Variants in PYM1 observed in about 807,000 individuals in gnomAD.
The protein encoded by PYM1 is PYM1 exon junction complex associated factor.
Under a neutral mutation model 20.7 loss-of-function variants are expected in PYM1, and 7 were observed. That is an observed-to-expected ratio of 0.34 (90% CI 0.19 to 0.64). The LOEUF is 0.64. PYM1 is among the 30% of genes least tolerant of loss of function. The pLI, the probability that PYM1 is intolerant of heterozygous loss-of-function variation, is 0.74. For missense variants in PYM1, 194 were observed against 250.0 expected (o/e 0.78, Z 1.51); for synonymous variants, 100 against 99.2 (o/e 1.01, Z -0.05).
intron 1 of PYM1, 80 bp from the exon 2 acceptor site, chr12:55,903,560 C>T (rs1415239536): frequency 1.5e-6 from 2 of 1,351,582 alleles, no homozygotes; most frequent in Non-Finnish European, 2.1e-6. Context: ...TATAAATGTA[C>T]ATACCATCTC....
chr12:55,912,814 A>G (rs1882947729), intron 1 of PYM1, among the ~76,000 whole-genome samples: 1 of 149,804 alleles, frequency 6.7e-6, no homozygotes, highest in African/African-American at 2.5e-5. Flanking sequence ...AAATACAAAA[A>G]TTAGCAGGTC....
At chr12:55,907,673 G>A (rs1210518278) in intron 1 of PYM1, among the ~76,000 whole-genome samples, 1 of 144,350 alleles carries the variant, frequency 6.9e-6, no homozygotes, top group Non-Finnish European at 1.5e-5. Context: ...GCGCAGTGGT[G>A]CACACCTGTA....
intron 1 of PYM1, among the ~76,000 whole-genome samples, chr12:55,912,326 T>C (rs1882937966): frequency 6.6e-6 from 1 of 152,078 alleles, no homozygotes; most frequent in African/African-American, 2.4e-5. Context: ...CACTCCAGCC[T>C]GGGTGATAGA....
At chr12:55,914,906 C>T (rs1050250408) in intron 1 of PYM1, among the ~76,000 whole-genome samples, 1 of 152,054 alleles carries the variant, frequency 6.6e-6, no homozygotes, top group Non-Finnish European at 1.5e-5. Flanking sequence ...TGGAGACCAA[C>T]AGTTTTAAAT....
At chr12:55,920,717 T>C (rs1883084404) in intron 1 of PYM1, among the ~76,000 whole-genome samples, 2 of 151,360 alleles carry the variant, frequency 1.3e-5, no homozygotes, top group Admixed American at 6.6e-5. Flanking sequence ...CATTCTAGTG[T>C]TCTTATAATA....
intron 1 of PYM1, among the ~76,000 whole-genome samples, chr12:55,912,901 T>C (rs1313269647): frequency 1.4e-5 from 2 of 146,508 alleles, no homozygotes; most frequent in African/African-American, 5.1e-5. Context: ...GAGGCGGAGG[T>C]TGCAGTGAGC....
chr12:55,915,559 TAA>T (rs568756685), intron 1 of PYM1, among the ~76,000 whole-genome samples: 18 of 121,034 alleles, frequency 1.5e-4, no homozygotes, highest in Non-Finnish European at 1.5e-4. Context: ...AGTTTATCTT[TAA>T]AAAAAAAAAA....
chr12:55,904,415 A>G (rs1201476354), intron 1 of PYM1, among the ~76,000 whole-genome samples: 2 of 151,066 alleles, frequency 1.3e-5, no homozygotes, highest in East Asian at 4.0e-4. Context: ...AACATAGTGA[A>G]ACCCCGTCTC....
chr12:55,902,764 T>G (rs1385285208), intron 2 of PYM1, among the ~76,000 whole-genome samples: 1 of 150,028 alleles, frequency 6.7e-6, no homozygotes, highest in African/African-American at 2.5e-5. Context: ...AGAGAGCCAC[T>G]GCGCCTGCCT....
At chr12:55,920,583 A>G (rs1024130431) in intron 1 of PYM1, among the ~76,000 whole-genome samples, 2 of 151,714 alleles carry the variant, frequency 1.3e-5, no homozygotes, top group Non-Finnish European at 2.9e-5. Context: ...GATTGTAGTG[A>G]GCAGAGATCG....
intron 1 of PYM1, among the ~76,000 whole-genome samples, chr12:55,910,255 AT>A (rs1302661670): frequency 0.014 from 6 of 416 alleles, no homozygotes; most frequent in African/African-American, 0.12. Flanking sequence ...TTTTATACAT[AT>A]ATATATATAT....
At chr12:55,923,600 T>C (rs1401410189) in intron 1 of PYM1, among the ~76,000 whole-genome samples, 2 of 151,120 alleles carry the variant, frequency 1.3e-5, no homozygotes. Flanking sequence ...AAATGATGTA[T>C]GGATTCTAGT....
intron 1 of PYM1, among the ~76,000 whole-genome samples, chr12:55,921,014 C>G (rs1365894931): frequency 6.6e-6 from 1 of 152,102 alleles, no homozygotes; most frequent in Non-Finnish European, 1.5e-5. Context: ...ACTAAATTTG[C>G]ACTTAAGAAG....
rs1246105831 is a variant in PYM1 at position 55,926,020 on chromosome 12, G to A, written c.37+1705C>T. 2.0e-5 allele frequency among the ~76,000 whole-genome samples: 3 copies of A among 152,172 alleles called. No individual in the cohort carries two copies. The East Asian group carries it at 5.8e-4, about 29-fold the overall frequency. On this transcript the variant is annotated intron_variant, in intron 1 of 2. Coordinates refer to ENST00000408946, the MANE Select transcript of PYM1 (RefSeq NM_032345.3). ...TAAAATAGGTGGGCTGAGGTGTAAG[G>A]AACATGGAAAGCAGCAGAGCAAGAA...
At chr12:55,909,059 T>G (rs1882875289) in intron 1 of PYM1, among the ~76,000 whole-genome samples, 1 of 151,990 alleles carries the variant, frequency 6.6e-6, no homozygotes, top group Non-Finnish European at 1.5e-5. Flanking sequence ...ATAGGAAGCC[T>G]GGTTGGAAAT....
chr12:55,918,352 G>A (rs1328335378), intron 1 of PYM1, among the ~76,000 whole-genome samples: 2 of 152,032 alleles, frequency 1.3e-5, no homozygotes, highest in South Asian at 2.1e-4. Flanking sequence ...CGCCCGCTTC[G>A]GCCTCCCAAA....
At chr12:55,911,893 T>A (rs1249907051) in intron 1 of PYM1, among the ~76,000 whole-genome samples, 1 of 151,696 alleles carries the variant, frequency 6.6e-6, no homozygotes, top group Non-Finnish European at 1.5e-5. Context: ...AAATAACCCA[T>A]CTGATGAGAA....
chr12:55,915,213 T>TAAA (rs1174981358), intron 1 of PYM1, among the ~76,000 whole-genome samples: 35,212 of 48,694 alleles, frequency 0.72, 13,072 homozygotes, highest in Middle Eastern at 0.81. Context: ...AGACTCTGCC[T>TAAA]AAAAAAAAAA....
rs1883226631 is a variant in PYM1 at position 55,927,891 on chromosome 12, G to A, written c.-130C>T. On this transcript the variant is annotated 5_prime_UTR_variant, in exon 1 of 3. Transcript: ENST00000408946. ...CTTCTCGCCCAGACCTCCTAACCCT[G>A]AGTGCCTCCTCGGGCTGGGCCCTAG... is the stretch of plus-strand genomic sequence containing the variant. 8.1e-7 allele frequency: 1 copy of A among 1,229,574 alleles called. No individual in the cohort carries two copies. Among genetic ancestry groups the A allele is most frequent in the Non-Finnish European group, 1.1e-6 (1 of 902,946 alleles). 76.2% of individuals were successfully genotyped at this position (1,229,574 alleles called of 1,614,324 possible). A position where few individuals can be genotyped will look rare whatever the true frequency, so the allele number is the denominator to read the frequency against.
Sources: gnomAD v4.1 joint callset for allele counts (sites outside exome capture counted in the v4.1 genomes callset) on GRCh38, gnomAD v4.1.1 for gene constraint, MANE v1.5 for transcripts, NCBI Gene and HGNC (gene_info 2026-07-23, HGNC 2026-07-21) for gene names.